PCSK5: variants seen among roughly 807,000 people sequenced by gnomAD.
PCSK5 encodes the protein prohormone convertase 5.
PCSK5 carries 129 observed loss-of-function variants against 233.2 expected under a neutral mutation model. The ratio of observed to expected loss-of-function variants is 0.55; its 90% CI spans 0.48 to 0.64. The LOEUF is 0.64. PCSK5 is among the 30% of genes least tolerant of loss of function. PCSK5 has a pLI of 0.00. For missense variants in PCSK5, 2,076 were observed against 2,430.1 expected (o/e 0.85, Z 3.06); for synonymous variants, 825 against 879.2 (o/e 0.94, Z 1.09).
chr9:75,911,965 A>G (rs955973907), intron 1 of PCSK5, among the ~76,000 whole-genome samples: 3 of 152,212 alleles, frequency 2.0e-5, no homozygotes, highest in African/African-American at 7.2e-5. Context: ...AAGGAGTTGC[A>G]TAGAATTTGT....
In PCSK5 at chr9:76,195,413, T is replaced by C. The variant is rs1299986186; in HGVS notation, c.2626+5667T>C. 2.6e-5 allele frequency: 4 copies of C among 152,184 alleles called. No individual in the cohort carries two copies. In the East Asian group the frequency reaches 7.7e-4, roughly 29 times the overall value. The allele number at this position is 152,184 out of a possible 1,614,324, so 9.4% of individuals were successfully genotyped here. On this transcript the variant is annotated intron_variant, in intron 20 of 37. Transcript: ENST00000674117. The stretch of plus-strand genomic sequence containing the variant: ...TTTTGTAGACGAATAACCATCAACA[T>C]GACAACAAAATTCATTGGGGTCTAC...
At chr9:76,084,874 G>A (rs1278155913) in intron 7 of PCSK5, among the ~76,000 whole-genome samples, 1 of 152,108 alleles carries the variant, frequency 6.6e-6, no homozygotes, top group African/African-American at 2.4e-5. Context: ...TTAGATAGCA[G>A]GTTTGTTTTT....
At chr9:76,082,118 A>C (rs77209741) in intron 7 of PCSK5, among the ~76,000 whole-genome samples, 4,589 of 152,130 alleles carry the variant, frequency 0.03, 93 homozygotes, top group Middle Eastern at 0.075. Context: ...GTTCTCTCAC[A>C]GGTTCTTTGT....
Position 75,928,235 on chromosome 9 carries a change from A to G in PCSK5, c.193-4144A>G, listed in dbSNP as rs13301387. On this transcript the variant is annotated intron_variant, in intron 1 of 37. Coordinates refer to ENST00000674117, the MANE Select transcript of PCSK5 (RefSeq NM_001372043.1). Reference sequence around the variant, plus strand: ...CTTTGCACTATTTGCTATCGATTTTATACTTCATATACTCCTATTGTTTCT... The same window carrying G: ...CTTTGCACTATTTGCTATCGATTTTGTACTTCATATACTCCTATTGTTTCT... Among the ~76,000 whole-genome samples the G allele has an allele frequency of 6.0e-3, 907 of 152,224 alleles. 8 individuals are homozygous for G. Among genetic ancestry groups the G allele is most frequent in the Middle Eastern group, 0.037 (11 of 294 alleles).
At chr9:76,047,334 G>A (rs556129109) in intron 5 of PCSK5, among the ~76,000 whole-genome samples, 1 of 152,204 alleles carries the variant, frequency 6.6e-6, no homozygotes, top group Non-Finnish European at 1.5e-5. Context: ...CTGACGTTGT[G>A]ATCCGCGCGC....
chr9:76,064,780 G>T (rs1204677927), intron 5 of PCSK5, among the ~76,000 whole-genome samples: 1 of 149,212 alleles, frequency 6.7e-6, no homozygotes. Context: ...ATGGGGCGGC[G>T]GGGCAGAGGC....
intron 33 of PCSK5, among the ~76,000 whole-genome samples, chr9:76,331,008 C>T (rs1017296026): frequency 2.6e-5 from 4 of 152,072 alleles, no homozygotes; most frequent in Non-Finnish European, 5.9e-5. Context: ...TCCCCTCATC[C>T]GAGGCTGCAG....
intron 7 of PCSK5, among the ~76,000 whole-genome samples, chr9:76,072,329 A>G (rs764554802): frequency 2.0e-5 from 3 of 152,114 alleles, no homozygotes; most frequent in Non-Finnish European, 4.4e-5. Flanking sequence ...CCAGGACAAT[A>G]TTATTTGTGT....
At chr9:76,012,028 A>C (rs1229293526) in intron 3 of PCSK5, among the ~76,000 whole-genome samples, 1 of 152,082 alleles carries the variant, frequency 6.6e-6, no homozygotes, top group African/African-American at 2.4e-5. Context: ...TTTGAATATC[A>C]CCTTTATGAA....
chr9:76,256,698 C>T lies in PCSK5; in HGVS notation c.3142+16014C>T, dbSNP rs141212445. Among the ~76,000 whole-genome samples, 379 of 152,254 alleles carry T rather than the reference C, an allele frequency of 2.5e-3. 6 individuals carry two copies. Among genetic ancestry groups the T allele is most frequent in the Non-Finnish European group, 3.6e-3 (245 of 68,012 alleles). ...GACCCCAGCTCGTGCCTGTTCATCA[C>T]GCTTAAAGAAAAATAAAAATGAGTC... On this transcript the variant is annotated intron_variant, in intron 24 of 37. Coordinates refer to ENST00000674117, the MANE Select transcript of PCSK5 (RefSeq NM_001372043.1).
intron 14 of PCSK5, among the ~76,000 whole-genome samples, chr9:76,176,398 GT>G (rs1823618392): frequency 1.3e-5 from 2 of 152,084 alleles, no homozygotes; most frequent in South Asian, 4.1e-4. Context: ...ACACTGTTTT[GT>G]TTTCATTTCA....
At chr9:76,337,469 T>C (rs991282071) in intron 34 of PCSK5, among the ~76,000 whole-genome samples, 4 of 151,414 alleles carry the variant, frequency 2.6e-5, no homozygotes, top group South Asian at 4.2e-4. Flanking sequence ...CCACTGTACC[T>C]GGCCAGATGG....
chr9:76,343,333 T>TTGTGTGTGTGTGTG (rs57513234), intron 35 of PCSK5, among the ~76,000 whole-genome samples: 20 of 133,900 alleles, frequency 1.5e-4, no homozygotes, highest in African/African-American at 5.6e-4. Context: ...CCTGGGTAAT[T>TTGTGTGTGTGTGTG]TGTGTGTGTG....
At chr9:76,256,324 A>C (rs1826980250) in intron 24 of PCSK5, among the ~76,000 whole-genome samples, 1 of 152,224 alleles carries the variant, frequency 6.6e-6, no homozygotes, top group African/African-American at 2.4e-5. Context: ...CTGACCTGCT[A>C]AGTCGAGCTG....
rs1304374946 is a variant in PCSK5 at position 76,240,635 on chromosome 9, C to A, written c.3093C>A (p.Asp1031Glu). 1 of 1,578,106 alleles carries A rather than the reference C, an allele frequency of 6.3e-7. No homozygotes were observed. Among genetic ancestry groups the A allele is most frequent in the East Asian group, 2.3e-5 (1 of 43,942 alleles). ...ECGQGEVQDPDYEECVPCEEG... is the reference protein window; with the variant it reads ...ECGQGEVQDPEYEECVPCEEG... ...GTGTAGGTGAAGTCCAAGACCCAGA[C>A]TATGAAGAATGTGTCCCTTGTGAAG... Residue 1031 changes from aspartate (D) to glutamate (E), a missense_variant, in exon 24 of 38, where the codon GAC (aspartate) becomes GAA (glutamate). Transcript: ENST00000674117.
intron 20 of PCSK5, among the ~76,000 whole-genome samples, chr9:76,210,928 C>T (rs533123064): frequency 2.6e-5 from 4 of 152,160 alleles, no homozygotes; most frequent in Non-Finnish European, 5.9e-5. Context: ...TCGGGGATGA[C>T]TCCCTGGCGC....
chr9:76,212,842 A>G (rs1409404318), intron 20 of PCSK5, among the ~76,000 whole-genome samples: 2 of 152,198 alleles, frequency 1.3e-5, no homozygotes, highest in African/African-American at 2.4e-5. Flanking sequence ...TATGGAAACG[A>G]GGGTTAGAAA....
chr9:75,986,591 T>C (rs1203045691), intron 3 of PCSK5, among the ~76,000 whole-genome samples: 4 of 152,234 alleles, frequency 2.6e-5, no homozygotes, highest in African/African-American at 4.8e-5. Context: ...TTACCTCTGA[T>C]ACACATTTAC....
chr9:75,934,472 A>G (rs972270862), intron 2 of PCSK5, among the ~76,000 whole-genome samples: 1 of 151,960 alleles, frequency 6.6e-6, no homozygotes, highest in Non-Finnish European at 1.5e-5. Flanking sequence ...TGGTGCCCTA[A>G]GGGAGCTTGC....
Sources: gnomAD v4.1 joint callset for allele counts (sites outside exome capture counted in the v4.1 genomes callset) on GRCh38, gnomAD v4.1.1 for gene constraint, MANE v1.5 for transcripts, NCBI Gene and HGNC (gene_info 2026-07-23, HGNC 2026-07-21) for gene names.